APP: variants seen among roughly 807,000 people sequenced by gnomAD.
APP encodes amyloid beta precursor protein, also known as amyloid-beta precursor protein.
In APP, 31 loss-of-function variants were observed where a neutral mutation model predicts 101.4. That is an observed-to-expected ratio of 0.31 (90% CI 0.23 to 0.41). The LOEUF (loss-of-function observed/expected upper bound fraction) is 0.41. Among genes scored for constraint, APP ranks in the 10% least tolerant of loss-of-function variants. APP has a pLI of 1.00. For synonymous variants in APP, 366 were observed against 364.4 expected, an observed-to-expected ratio of 1.00 and a Z score of -0.05; for missense variants, 839 against 1,003.7, an observed-to-expected ratio of 0.84 and a Z score of 2.22.
chr21:25,889,909 C>CTGT (rs2037577702), intron 17 of APP, among the ~76,000 whole-genome samples: 1 of 151,862 alleles, frequency 6.6e-6, no homozygotes, highest in Non-Finnish European at 1.5e-5. Context: ...ACCAAAACAA[C>CTGT]AACAGCAGCA....
chr21:26,092,655 T>C (rs1336075414), intron 2 of APP, among the ~76,000 whole-genome samples: 3 of 152,068 alleles, frequency 2.0e-5, no homozygotes, highest in Non-Finnish European at 2.9e-5. Flanking sequence ...CCGCCAAGAG[T>C]GAACCCTCAG....
chr21:26,046,832 C>A (rs3787645), intron 5 of APP, among the ~76,000 whole-genome samples: 49,361 of 151,992 alleles, frequency 0.32, 8,120 homozygotes, highest in South Asian at 0.38. Context: ...GCCTCCAGGG[C>A]TAGGCTGCCT....
chr21:26,132,491 T>C (rs2062815874), intron 1 of APP, among the ~76,000 whole-genome samples: 1 of 146,826 alleles, frequency 6.8e-6, no homozygotes, highest in Admixed American at 6.9e-5. Flanking sequence ...AGGCACTCTT[T>C]TAAGAAATTA....
At chr21:25,958,982 C>A (rs2041455068) in intron 11 of APP, among the ~76,000 whole-genome samples, 1 of 184 alleles carries the variant, frequency 5.4e-3, no homozygotes, top group Admixed American at 0.071. Flanking sequence ...ACATCCCTGG[C>A]CCAATGGTTA....
At chr21:26,049,787 T>C (rs142837079) in intron 5 of APP, among the ~76,000 whole-genome samples, 1 of 152,200 alleles carries the variant, frequency 6.6e-6, no homozygotes, top group East Asian at 1.9e-4. Context: ...AAAAAGAGGA[T>C]AATGGACTAA....
At chr21:25,917,089 C>T (rs1601396429) in intron 13 of APP, among the ~76,000 whole-genome samples, 2 of 151,912 alleles carry the variant, frequency 1.3e-5, no homozygotes, top group Admixed American at 1.3e-4. Flanking sequence ...GGTGAAACCC[C>T]GTCTCTACTA....
intron 17 of APP, among the ~76,000 whole-genome samples, chr21:25,884,737 T>C (rs2037212100): frequency 6.6e-6 from 1 of 152,354 alleles, no homozygotes; most frequent in East Asian, 1.9e-4. Flanking sequence ...ACAAAGCTGC[T>C]ATGTTTCTGA....
rs761373193 is a variant in APP at position 26,053,309 on chromosome 21, T to G, written c.395A>C (p.Lys132Thr). 6.2e-7 allele frequency: 1 copy of G among 1,613,940 alleles called. No individual in the cohort carries two copies. Among genetic ancestry groups the G allele is most frequent in the Non-Finnish European group, 8.5e-7 (1 of 1,179,842 alleles). ...FVSDALLVPDKCKFLHQERMD... is the reference protein window; with the variant it reads ...FVSDALLVPDTCKFLHQERMD... ...CCTCTCCTGGTGTAAGAATTTGCAC[T>G]TGTCAGGAACGAGAAGGGCATCACT... The change falls in exon 4 of 18, where the codon AAG becomes ACG. Residue 132 changes from lysine to threonine, a missense_variant. Transcript: ENST00000346798.
chr21:26,138,526 C>A (rs1164156515), intron 1 of APP, among the ~76,000 whole-genome samples: 17 of 140,804 alleles, frequency 1.2e-4, no homozygotes, highest in Non-Finnish European at 6.2e-5. Context: ...TCTGTCTCTA[C>A]AAAAAAAAAA....
chr21:26,089,270 A>G (rs1355557371), intron 3 of APP, among the ~76,000 whole-genome samples: 1 of 152,240 alleles, frequency 6.6e-6, no homozygotes, highest in Non-Finnish European at 1.5e-5. Context: ...TAACCAAGTT[A>G]GATTAAATAT....
chr21:25,934,045 G>A (rs1302419058), intron 13 of APP: 3 of 152,180 alleles, frequency 2.0e-5, no homozygotes, highest in African/African-American at 7.2e-5. Context: ...ATGGAGAAGG[G>A]TGGGCCCTTA....
At chr21:25,920,796 A>G (rs1436340456) in intron 13 of APP, among the ~76,000 whole-genome samples, 2 of 136,018 alleles carry the variant, frequency 1.5e-5, no homozygotes, top group Non-Finnish European at 3.1e-5. Context: ...TTAACACCCC[A>G]CTGTCAACAT....
Position 25,892,792 on chromosome 21 carries a change from A to C in APP, c.2065-924T>G, listed in dbSNP as rs1275022501. ...TTTATCTACTTGAATGAAATTATAG[A>C]AGCACACCACAACTTTTATCATCTT... On this transcript the variant is annotated intron_variant, in intron 16 of 17. Coordinates refer to ENST00000346798, the MANE Select transcript of APP (RefSeq NM_000484.4). Among the ~76,000 whole-genome samples, 4 of 152,210 alleles carry C rather than the reference A, an allele frequency of 2.6e-5. No homozygotes were observed. In the East Asian group the frequency reaches 7.7e-4, roughly 29 times the overall value.
chr21:26,051,210 G>A lies in APP; in HGVS notation c.469-17C>T, dbSNP rs1192144007. The A allele has an allele frequency of 1.2e-6, 2 of 1,605,620 alleles. No homozygotes were observed. The highest frequency in any genetic ancestry group is 1.3e-5 in the African/African-American group (1 of 74,924). On this transcript the variant is annotated splice_polypyrimidine_tract_variant and intron_variant, in intron 4 of 17. Transcript: ENST00000346798. ...ACTGCATGTCTACAAAGTGTAAGGA[G>A]AAAACAGTGAGTGGTAGAGTAGATG...
At chr21:25,992,900 A>T (rs555602344) in intron 8 of APP, among the ~76,000 whole-genome samples, 11 of 152,346 alleles carry the variant, frequency 7.2e-5, no homozygotes, top group African/African-American at 2.6e-4. Flanking sequence ...GGGAACTAAC[A>T]TTTGCTACTG....
At chr21:25,970,420 C>A (rs117994894) in intron 11 of APP, among the ~76,000 whole-genome samples, 17 of 152,248 alleles carry the variant, frequency 1.1e-4, no homozygotes, top group Admixed American at 2.6e-4. Flanking sequence ...TCAGCTGGAA[C>A]GCTTCACAAG....
intron 3 of APP, among the ~76,000 whole-genome samples, chr21:26,082,392 A>C (rs1411629031): frequency 6.6e-6 from 1 of 152,166 alleles, no homozygotes; most frequent in African/African-American, 2.4e-5. Flanking sequence ...TGCCCTCAAA[A>C]ATTATAAACT....
intron 1 of APP, among the ~76,000 whole-genome samples, chr21:26,132,888 C>T (rs1490476149): frequency 2.6e-5 from 4 of 152,128 alleles, no homozygotes; most frequent in African/African-American, 9.7e-5. Context: ...TCATATTCTA[C>T]ACTAAAAATT....
chr21:26,045,196 T>C (rs995998784), intron 5 of APP, among the ~76,000 whole-genome samples: 33 of 151,970 alleles, frequency 2.2e-4, no homozygotes, highest in Non-Finnish European at 1.3e-4. Flanking sequence ...AAGATGGCTA[T>C]ATTCTCTCTT....
Sources: allele counts gnomAD v4.1 joint callset (sites outside exome capture counted in the v4.1 genomes callset), GRCh38; gene constraint gnomAD v4.1.1; transcripts MANE v1.5; gene names NCBI Gene and HGNC (gene_info 2026-07-23, HGNC 2026-07-21).